The following NPSR1 variants were observed in gnomAD, a reference collection of about 807,000 sequenced individuals.
NPSR1 encodes the protein neuropeptide S receptor.
NPSR1 carries 48 observed loss-of-function variants against 46.9 expected under a neutral mutation model. The ratio of observed to expected loss-of-function variants is 1.02; its 90% CI spans 0.81 to 1.30. The LOEUF is 1.30. Ranked by LOEUF, NPSR1 falls within the 50% of genes most tolerant of loss-of-function variation. The probability of loss-of-function intolerance (pLI) is 0.00; values close to 1 mark genes in which losing one functional copy is unlikely to be tolerated. For synonymous variants in NPSR1, 176 were observed against 168.1 expected (o/e 1.05, Z -0.36); for missense variants, 450 against 449.5 (o/e 1.00, Z -0.01).
intron 4 of NPSR1, among the ~76,000 whole-genome samples, chr7:34,819,877 C>T (rs1789466321): frequency 6.6e-6 from 1 of 152,060 alleles, no homozygotes; most frequent in East Asian, 1.9e-4. Flanking sequence ...ACAACGAAAA[C>T]ACTTGGACGC....
chr7:34,720,804 G>A (rs531215000), intron 2 of NPSR1, among the ~76,000 whole-genome samples: 4 of 152,226 alleles, frequency 2.6e-5, no homozygotes, highest in African/African-American at 9.6e-5. Context: ...TGAACAGAAA[G>A]CAGGGGCAAG....
chr7:34,859,202 G>T (rs1290780085), intron 8 of NPSR1, among the ~76,000 whole-genome samples: 2 of 151,752 alleles, frequency 1.3e-5, no homozygotes, highest in African/African-American at 4.9e-5. Context: ...GAACATTGAT[G>T]CCAACATTTT....
chr7:34,791,072 ATATATGT>A lies in NPSR1; in HGVS notation c.384+12520_384+12526del, dbSNP rs1270275377. Among the ~76,000 whole-genome samples, 7 of 98,892 alleles carry A rather than the reference ATATATGT, an allele frequency of 7.1e-5. No individual in the cohort carries two copies. In the South Asian group the frequency reaches 9.2e-4, roughly 13 times the overall value. The allele number at this position is 98,892 out of a possible 152,430, so 64.9% of individuals were successfully genotyped here. On this transcript the variant is annotated intron_variant, in intron 3 of 8. Coordinates refer to ENST00000360581, the MANE Select transcript of NPSR1 (RefSeq NM_207172.2). ...TATGTTATATGTTATATATTATATT[ATATATGT>A]TATATGTTATATATATTATATATAA... is the stretch of plus-strand genomic sequence containing the variant.
chr7:34,702,060 T>G (rs1793856009), intron 2 of NPSR1, among the ~76,000 whole-genome samples: 1 of 152,218 alleles, frequency 6.6e-6, no homozygotes, highest in Non-Finnish European at 1.5e-5. Context: ...GTGCTGCATT[T>G]TCTTACCATT....
chr7:34,703,085 C>T (rs1192030993), intron 2 of NPSR1, among the ~76,000 whole-genome samples: 2 of 152,198 alleles, frequency 1.3e-5, no homozygotes, highest in South Asian at 2.1e-4. Flanking sequence ...AGCGGCCAGG[C>T]GCGGTGGCTC....
intron 7 of NPSR1, among the ~76,000 whole-genome samples, chr7:34,845,894 C>T (rs796212454): frequency 6.6e-6 from 1 of 152,114 alleles, no homozygotes. Context: ...TTAAATACCC[C>T]CTCCTTGCCC....
chr7:34,691,438 G>C (rs148585259), intron 2 of NPSR1, among the ~76,000 whole-genome samples: 86 of 152,146 alleles, frequency 5.7e-4, no homozygotes, highest in African/African-American at 2.0e-3. Context: ...GGATTAAAAA[G>C]AGACTCAACT....
At chr7:34,706,227 C>G (rs376217493) in intron 2 of NPSR1, among the ~76,000 whole-genome samples, 1 of 149,584 alleles carries the variant, frequency 6.7e-6, no homozygotes, top group Non-Finnish European at 1.5e-5. Context: ...ATTTTTTGGT[C>G]GTCTGTTATG....
chr7:34,860,464 CT>C lies in NPSR1; in HGVS notation c.1025+11805del, dbSNP rs551173712. 6.8e-3 allele frequency among the ~76,000 whole-genome samples: 1,039 copies of C among 151,830 alleles called. 12 individuals are homozygous for C. Among genetic ancestry groups the C allele is most frequent in the Non-Finnish European group, 0.012 (817 of 67,984 alleles). On this transcript the variant is annotated intron_variant, in intron 8 of 8. Coordinates refer to the NPSR1 transcript ENST00000359791. ...AAACTCACTATATTAACATAAATAT[CT>C]TTTGTATGAAAATAACTATTTTCAA...
At chr7:34,715,526 T>C (rs943557481) in intron 2 of NPSR1, among the ~76,000 whole-genome samples, 9 of 152,130 alleles carry the variant, frequency 5.9e-5, no homozygotes, top group Non-Finnish European at 1.2e-4. Flanking sequence ...GATGGGGTCA[T>C]GTGATGTGTT....
intron 3 of NPSR1, among the ~76,000 whole-genome samples, chr7:34,810,957 G>A (rs1254922096): frequency 2.0e-5 from 3 of 152,160 alleles, no homozygotes; most frequent in Admixed American, 2.0e-4. Context: ...GCTTCCTCAA[G>A]CTCAAACTCC....
chr7:34,790,070 T>C lies in NPSR1; in HGVS notation c.384+11505T>C, dbSNP rs564657154. On this transcript the variant is annotated intron_variant, in intron 3 of 8. Transcript: ENST00000360581. ...GATAACAAAGTCAGACAAGATACTA[T>C]GAGAAAATTACAGGGCAATAACCCT... Among the ~76,000 whole-genome samples, 4 of 152,118 alleles carry C rather than the reference T, an allele frequency of 2.6e-5. No homozygotes were observed. In the East Asian group the frequency reaches 7.7e-4, roughly 29 times the overall value.
intron 6 of NPSR1, among the ~76,000 whole-genome samples, chr7:34,841,935 G>A (rs1790579487): frequency 6.6e-6 from 1 of 152,140 alleles, no homozygotes; most frequent in East Asian, 1.9e-4. Flanking sequence ...CAGCCCATGG[G>A]TATAATCTCA....
rs1211577482 is a variant in NPSR1 at position 34,685,012 on chromosome 7, AT to A, written c.280+330del. Among the ~76,000 whole-genome samples the A allele has an allele frequency of 2.6e-5, 4 of 152,330 alleles. No homozygotes were observed. In the East Asian group the frequency reaches 7.7e-4, roughly 29 times the overall value. On this transcript the variant is annotated intron_variant, in intron 2 of 8. Transcript: ENST00000360581. ...AGGTGATATTACCATATCATCCTGC[AT>A]TATAAGCTTAAGGAATACATCCCAG...
intron 3 of NPSR1, among the ~76,000 whole-genome samples, chr7:34,808,215 CTT>C (rs1788805461): frequency 6.6e-6 from 1 of 152,150 alleles, no homozygotes; most frequent in Admixed American, 6.5e-5. Flanking sequence ...GCTTGCCAAA[CTT>C]TTATTTTTGC....
chr7:34,674,319 T>C (rs62464150), intron 1 of NPSR1, among the ~76,000 whole-genome samples: 2,951 of 152,264 alleles, frequency 0.019, 40 homozygotes, highest in African/African-American at 0.038. Flanking sequence ...ACACAGAACT[T>C]TGCTATCTGC....
Position 34,849,707 on chromosome 7 carries a change from C to G in NPSR1, c.*52C>G, listed in dbSNP as rs1457561890. The G allele has an allele frequency of 6.2e-7, 1 of 1,601,584 alleles. No homozygotes were observed. The highest frequency in any genetic ancestry group is 1.1e-5 in the South Asian group (1 of 89,216). On this transcript the variant is annotated 3_prime_UTR_variant, in exon 9 of 9. Transcript: ENST00000360581. ...TGAGCACCATCAGCTCTCCCAGGTC[C>G]TTGTCACCTGCTTGGGCACGTGCAT...
intron 2 of NPSR1, among the ~76,000 whole-genome samples, chr7:34,743,467 GTCTCAC>G (rs1316159581): frequency 6.6e-6 from 1 of 150,438 alleles, no homozygotes; most frequent in Non-Finnish European, 1.5e-5. Flanking sequence ...TGTAGATGGA[GTCTCAC>G]TCTGTCACCC....
At chr7:34,752,887 C>T (rs1037578123) in intron 2 of NPSR1, among the ~76,000 whole-genome samples, 1 of 152,186 alleles carries the variant, frequency 6.6e-6, no homozygotes, top group African/African-American at 2.4e-5. Flanking sequence ...GTGAAGCCTG[C>T]CTAGTCCGCT....
Sources: allele counts gnomAD v4.1 joint callset (sites outside exome capture counted in the v4.1 genomes callset), GRCh38; gene constraint gnomAD v4.1.1; transcripts MANE v1.5; gene names NCBI Gene and HGNC (gene_info 2026-07-23, HGNC 2026-07-21).